RPH3AL: variants seen among roughly 807,000 people sequenced by gnomAD.
RPH3AL encodes the protein rabphilin 3A like (without C2 domains).
Under a neutral mutation model 43.1 loss-of-function variants are expected in RPH3AL, and 38 were observed. That is an observed-to-expected ratio of 0.88 (90% confidence interval 0.68 to 1.15). RPH3AL has a LOEUF of 1.15. Among genes scored for constraint, RPH3AL ranks in the 50% most tolerant of loss-of-function variants. The pLI is 0.00. For synonymous variants in RPH3AL, 189 were observed against 176.3 expected (o/e 1.07, Z -0.57); for missense variants, 462 against 423.2 (o/e 1.09, Z -0.81).
At chr17:231,835 G>A (rs1052425442) in intron 7 of RPH3AL, among the ~76,000 whole-genome samples, 6 of 152,260 alleles carry the variant, frequency 3.9e-5, no homozygotes, top group Non-Finnish European at 7.3e-5. Flanking sequence ...AATTAGAGGC[G>A]ACAGCCATGC....
intron 6 of RPH3AL, among the ~76,000 whole-genome samples, chr17:259,596 C>T (rs932899707): frequency 2.0e-5 from 3 of 152,190 alleles, no homozygotes; most frequent in Non-Finnish European, 4.4e-5. Flanking sequence ...CTGGAGAAGC[C>T]GAGCAACTCT....
chr17:334,371 C>T (rs999597215), intron 1 of RPH3AL, among the ~76,000 whole-genome samples: 2 of 152,250 alleles, frequency 1.3e-5, no homozygotes, highest in Admixed American at 6.5e-5. Flanking sequence ...CAGAGAAGCC[C>T]GGCAAACACC....
intron 6 of RPH3AL, among the ~76,000 whole-genome samples, chr17:273,922 A>C (rs527236487): frequency 6.6e-6 from 1 of 151,434 alleles, no homozygotes; most frequent in Non-Finnish European, 1.5e-5. Flanking sequence ...TTTCTAGGCC[A>C]CCCCCCCTCA....
Position 247,487 on chromosome 17 carries a change from T to A in RPH3AL, c.439-202A>T. The A allele has an allele frequency of 5.7e-6, 3 of 524,844 alleles. No individual in the cohort carries two copies. The Admixed American group carries it at 1.1e-4, about 19-fold the overall frequency. 32.5% of individuals were successfully genotyped at this position (524,844 alleles called of 1,614,324 possible). ...AGGACATGAACTCTCCAAACCTTCT[T>A]TCTCTCCCTTATTTTAGAGTTGAGG... On this transcript the variant is annotated intron_variant, in intron 6 of 9. Coordinates refer to ENST00000331302, the MANE Select transcript of RPH3AL (RefSeq NM_006987.4).
At chr17:301,459 G>A (rs1025470950) in intron 5 of RPH3AL, among the ~76,000 whole-genome samples, 16 of 152,042 alleles carry the variant, frequency 1.1e-4, no homozygotes, top group African/African-American at 3.6e-4. Flanking sequence ...GCGCACCACC[G>A]TGCCTGGCTA....
At chr17:311,768 G>A (rs538386082) in intron 5 of RPH3AL, among the ~76,000 whole-genome samples, 1 of 152,288 alleles carries the variant, frequency 6.6e-6, no homozygotes, top group Admixed American at 6.5e-5. Context: ...GGCTTCCAGA[G>A]GCTTTTATGT....
chr17:309,938 G>A (rs575789190), intron 5 of RPH3AL, among the ~76,000 whole-genome samples: 5 of 152,120 alleles, frequency 3.3e-5, no homozygotes, highest in East Asian at 1.9e-4. Context: ...TCTAAGGGAC[G>A]TGGGCAAAAT....
At chr17:272,189 C>T (rs1308127864) in intron 6 of RPH3AL, among the ~76,000 whole-genome samples, 1 of 152,182 alleles carries the variant, frequency 6.6e-6, no homozygotes, top group Admixed American at 6.5e-5. Flanking sequence ...TTGTGGAGGA[C>T]AGTGTGGTGA....
intron 5 of RPH3AL, among the ~76,000 whole-genome samples, chr17:315,612 C>G (rs71355223): frequency 0.23 from 26,653 of 117,672 alleles, 132 homozygotes; most frequent in African/African-American, 0.26. Flanking sequence ...CCACTGAACT[C>G]TAGTCCCTGT....
rs541572987 is a variant in RPH3AL, at chr17:262,423, C to T, written c.439-15138G>A. 1.4e-3 allele frequency among the ~76,000 whole-genome samples: 212 copies of T among 152,306 alleles called. 4 individuals carry two copies. The East Asian group carries it at 0.027, about 19-fold the overall frequency. ...TAGAGACGGGGTTTCACCATGTTCGCCGGGCTGGTCTTGAACTGCTGACCT... is the reference window on the plus strand; with the variant it reads ...TAGAGACGGGGTTTCACCATGTTCGTCGGGCTGGTCTTGAACTGCTGACCT... On this transcript the variant is annotated intron_variant, in intron 6 of 9. Transcript: ENST00000331302.
intron 7 of RPH3AL, among the ~76,000 whole-genome samples, chr17:222,636 A>G (rs2041018223): frequency 6.6e-6 from 1 of 152,232 alleles, no homozygotes; most frequent in African/African-American, 2.4e-5. Context: ...AGAAATGTAC[A>G]TCCATTCACC....
intron 6 of RPH3AL, among the ~76,000 whole-genome samples, chr17:258,281 C>A (rs888247400): frequency 6.6e-6 from 1 of 152,210 alleles, no homozygotes; most frequent in South Asian, 2.1e-4. Flanking sequence ...TCCTAGCACA[C>A]GCCTCACACA....
intron 6 of RPH3AL, among the ~76,000 whole-genome samples, chr17:275,008 A>G (rs571123875): frequency 4.6e-5 from 7 of 152,310 alleles, no homozygotes; most frequent in African/African-American, 1.7e-4. Context: ...AGACGTGGTC[A>G]CGGAGAAAAC....
At chr17:343,813 C>T (rs1020985210) in intron 1 of RPH3AL, among the ~76,000 whole-genome samples, 6 of 152,132 alleles carry the variant, frequency 3.9e-5, no homozygotes, top group East Asian at 1.9e-4. Context: ...CCAGCCTAAA[C>T]GCCAAAGCAC....
chr17:231,060 G>T (rs947292577), intron 7 of RPH3AL, among the ~76,000 whole-genome samples: 3 of 152,160 alleles, frequency 2.0e-5, no homozygotes, highest in Non-Finnish European at 2.9e-5. Context: ...CTGTGTCTTT[G>T]TGTGTTCAGA....
intron 7 of RPH3AL, among the ~76,000 whole-genome samples, chr17:239,263 C>T (rs147921208): frequency 3.9e-5 from 6 of 152,066 alleles, no homozygotes; most frequent in South Asian, 2.1e-4. Flanking sequence ...GACAGGAACA[C>T]GTCTACTCTT....
rs185839086 is a variant in RPH3AL at position 290,671 on chromosome 17, G to A, written c.352-8817C>T. ...AGTTCAGGTACTTCATGCCCAGGCT[G>A]GCCTTTGAGTCCTCACCGATCCATT... On this transcript the variant is annotated intron_variant, in intron 5 of 9. Transcript: ENST00000331302. This position sits in a 1 kb window ranked among gnomAD's most constrained non-coding sequence, Gnocchi z 4.2. Among the ~76,000 whole-genome samples, 92 of 152,314 alleles carry A rather than the reference G, an allele frequency of 6.0e-4. No individual in the cohort carries two copies. The highest frequency in any genetic ancestry group is 1.9e-3 in the African/African-American group (80 of 41,574).
chr17:216,633 A>C (rs2040810085), intron 8 of RPH3AL, among the ~76,000 whole-genome samples: 1 of 152,010 alleles, frequency 6.6e-6, no homozygotes. Context: ...CTGCCCTGGA[A>C]ACCGAGGCTG....
rs2045187498 is a variant in RPH3AL, at chr17:344,032, C to T, written c.-213+8680G>A. ...TCACCACCATCATCACTATCATCAC[C>T]CCCATCATCACCATCATCATCGTCA... is the stretch of plus-strand genomic sequence containing the variant. On this transcript the variant is annotated intron_variant, in intron 1 of 9. Coordinates refer to ENST00000331302, the MANE Select transcript of RPH3AL (RefSeq NM_006987.4). Among the ~76,000 whole-genome samples the T allele has an allele frequency of 1.6e-5, 2 of 122,792 alleles. 1 individual carries two copies. The allele number at this position is 122,792 out of a possible 152,430, so 80.6% of individuals were successfully genotyped here.
Sources: gnomAD v4.1 joint callset for allele counts (sites outside exome capture counted in the v4.1 genomes callset) on GRCh38, gnomAD v4.1.1 for gene constraint, Gnocchi (gnomAD v3.1) non-coding constraint, MANE v1.5 for transcripts, NCBI Gene and HGNC (gene_info 2026-07-23, HGNC 2026-07-21) for gene names.